The following PDCD10 variants were observed in gnomAD, a reference collection of about 807,000 sequenced individuals.
PDCD10 encodes the protein programmed cell death protein 10.
Under a neutral mutation model 29.2 loss-of-function variants are expected in PDCD10, and 4 were observed. The ratio of observed to expected loss-of-function variants is 0.14; its 90% confidence interval spans 0.07 to 0.31. PDCD10 has a LOEUF of 0.31. Ranked by LOEUF, PDCD10 falls within the 10% of genes least tolerant of loss-of-function variation. The pLI is 1.00. For synonymous variants in PDCD10, 70 were observed against 82.2 expected, an observed-to-expected ratio of 0.85 and a Z score of 0.80; for missense variants, 183 against 257.9, an observed-to-expected ratio of 0.71 and a Z score of 1.99.
chr3:167,733,261 TAAAGTTATCACAAATA>T (rs1363910793), intron 2 of PDCD10, among the ~76,000 whole-genome samples: 3 of 152,220 alleles, frequency 2.0e-5, no homozygotes, highest in Non-Finnish European at 4.4e-5. Context: ...TGTATGGATA[TAAAGTTATCACAAATA>T]AATTCTGCCA....
intron 3 of PDCD10, among the ~76,000 whole-genome samples, chr3:167,718,688 C>T (rs1421605158): frequency 6.6e-6 from 1 of 151,240 alleles, no homozygotes; most frequent in African/African-American, 2.4e-5. Flanking sequence ...CACTCTCTGC[C>T]CCACTTTTTC....
intron 3 of PDCD10, among the ~76,000 whole-genome samples, chr3:167,712,873 T>G (rs1333713599): frequency 6.6e-6 from 1 of 152,016 alleles, no homozygotes; most frequent in African/African-American, 2.4e-5. Context: ...CATTATATAA[T>G]GATAAAGGGG....
intron 4 of PDCD10, among the ~76,000 whole-genome samples, chr3:167,701,168 G>A (rs939756104): frequency 5.3e-5 from 8 of 152,116 alleles, no homozygotes; most frequent in South Asian, 2.1e-4. Context: ...CCATCAATGC[G>A]TTGTTTCTGC....
At chr3:167,725,230 C>G (rs1350469712) in intron 2 of PDCD10, among the ~76,000 whole-genome samples, 1 of 144,390 alleles carries the variant, frequency 6.9e-6, no homozygotes, top group African/African-American at 2.6e-5. Flanking sequence ...GCACTCCAGC[C>G]TGGGCAACAG....
intron 4 of PDCD10, among the ~76,000 whole-genome samples, chr3:167,701,367 T>C (rs1166039400): frequency 1.3e-5 from 2 of 152,142 alleles, no homozygotes; most frequent in African/African-American, 2.4e-5. Context: ...TATATATGTA[T>C]TGTATATTTA....
intron 4 of PDCD10, among the ~76,000 whole-genome samples, chr3:167,698,625 T>C (rs1721057884): frequency 3.3e-5 from 5 of 152,368 alleles, no homozygotes; most frequent in Admixed American, 1.3e-4. Flanking sequence ...TGTGTTGTTA[T>C]AGCATTAATG....
intron 3 of PDCD10, among the ~76,000 whole-genome samples, chr3:167,716,874 C>G (rs1420932847): frequency 6.6e-6 from 1 of 151,794 alleles, no homozygotes; most frequent in Non-Finnish European, 1.5e-5. Context: ...AAAACAATTC[C>G]TCTAAATGGT....
chr3:167,725,263 GAAAAAAAAA>G (rs57762503), intron 2 of PDCD10: 41 of 30,212 alleles, frequency 1.4e-3, no homozygotes, highest in African/African-American at 3.7e-3. Context: ...TCTCAAAAAA[GAAAAAAAAA>G]AAAAAAAAAA....
At chr3:167,723,978 G>C (rs1723840788) in intron 2 of PDCD10, among the ~76,000 whole-genome samples, 1 of 152,126 alleles carries the variant, frequency 6.6e-6, no homozygotes, top group Non-Finnish European at 1.5e-5. Context: ...CTTGCTTAGA[G>C]TAAGAAGCCC....
At chr3:167,701,667 A>T (rs1446990364) in intron 4 of PDCD10, among the ~76,000 whole-genome samples, 1 of 152,202 alleles carries the variant, frequency 6.6e-6, no homozygotes, top group Admixed American at 6.5e-5. Flanking sequence ...AAAGCTCATT[A>T]TACATGGAAC....
At position 167,706,206 on chromosome 3, in the gene PDCD10, G is replaced by A. The variant is rs1429667275; in HGVS notation, c.97-1311C>T. Among the ~76,000 whole-genome samples the A allele has an allele frequency of 2.0e-5, 3 of 152,176 alleles. No homozygotes were observed. The East Asian group carries it at 5.8e-4, about 29-fold the overall frequency. On this transcript the variant is annotated intron_variant, in intron 3 of 8. Transcript: ENST00000392750. ...AGATTTCTAGACTCATTTTAATTAC[G>A]TGAACCTTACAAAAAGAATAAGTCA...
rs1316808769 is a variant in PDCD10, at chr3:167,683,586, A to G, written c.*722T>C. 1 of 151,972 alleles carries G rather than the reference A, an allele frequency of 6.6e-6. No homozygotes were observed. The highest frequency in any genetic ancestry group is 1.5e-5 in the Non-Finnish European group (1 of 67,912). 9.4% of individuals were successfully genotyped at this position (151,972 alleles called of 1,614,324 possible). A position where few individuals can be genotyped will look rare whatever the true frequency, so the allele number is the denominator to read the frequency against. On this transcript the variant is annotated 3_prime_UTR_variant, in exon 9 of 9. Coordinates refer to ENST00000392750, the MANE Select transcript of PDCD10 (RefSeq NM_007217.4). ...AATCTACATTTGTCACAAGAGTTCA[A>G]AAAGTGGCATTATAGTGCAAAAACA...
At chr3:167,689,788 C>T (rs892516865) in intron 6 of PDCD10, among the ~76,000 whole-genome samples, 1 of 152,144 alleles carries the variant, frequency 6.6e-6, no homozygotes, top group African/African-American at 2.4e-5. Context: ...CCATTTATTC[C>T]TAAGCCTCTG....
intron 3 of PDCD10, among the ~76,000 whole-genome samples, chr3:167,714,890 C>T (rs1318604737): frequency 4.6e-5 from 7 of 151,716 alleles, no homozygotes; most frequent in Non-Finnish European, 1.5e-5. Flanking sequence ...CAATGTAATC[C>T]CTAGCAAAAC....
At chr3:167,724,008 T>A (rs921047922) in intron 2 of PDCD10, among the ~76,000 whole-genome samples, 26 of 152,182 alleles carry the variant, frequency 1.7e-4, no homozygotes, top group Admixed American at 6.5e-4. Flanking sequence ...TATTCGCCAC[T>A]CCGCTGCCAA....
chr3:167,684,439 C>CT (rs771075562), intron 8 of PDCD10, 50 bp from the exon 9 acceptor site: 5 of 1,075,120 alleles, frequency 4.7e-6, no homozygotes, highest in Non-Finnish European at 7.2e-6. Flanking sequence ...AAAATTCACC[C>CT]TTTTAAGATT....
At chr3:167,695,336 A>G (rs550972062) in intron 6 of PDCD10, among the ~76,000 whole-genome samples, 15 of 152,284 alleles carry the variant, frequency 9.9e-5, no homozygotes, top group African/African-American at 3.4e-4. Context: ...TCTGACATTT[A>G]TATCTTCCCA....
intron 4 of PDCD10, among the ~76,000 whole-genome samples, chr3:167,703,367 T>A (rs1249566437): frequency 1.3e-5 from 2 of 152,088 alleles, no homozygotes; most frequent in Admixed American, 6.6e-5. Flanking sequence ...ATATATGTAC[T>A]CACCTTGAAT....
intron 3 of PDCD10, 111 bp from the exon 4 acceptor site, chr3:167,705,006 T>C (rs994896045): frequency 2.7e-4 from 177 of 666,344 alleles, no homozygotes; most frequent in Middle Eastern, 7.0e-4. Context: ...TTAATCAACA[T>C]TCTTGTTAAC....
Sources: gnomAD v4.1 joint callset for allele counts (sites outside exome capture counted in the v4.1 genomes callset) on GRCh38, gnomAD v4.1.1 for gene constraint, MANE v1.5 for transcripts, NCBI Gene and HGNC (gene_info 2026-07-23, HGNC 2026-07-21) for gene names.